ZNF516: variants seen among roughly 807,000 people sequenced by gnomAD.
ZNF516 encodes zinc finger protein 516.
A neutral mutation model predicts 79.7 loss-of-function variants in ZNF516; 19 were observed. The observed-to-expected ratio is 0.24, with a 90% CI of 0.17 to 0.35. The LOEUF is 0.35. ZNF516 is among the 10% of genes least tolerant of loss of function. The pLI is 1.00. For missense variants in ZNF516, 1,678 were observed against 1,679.5 expected (o/e 1.00, Z 0.02); for synonymous variants, 877 against 739.5 (o/e 1.19, Z -3.02).
intron 1 of ZNF516, among the ~76,000 whole-genome samples, chr18:76,475,686 T>A (rs916263372): frequency 6.6e-5 from 10 of 152,130 alleles, no homozygotes; most frequent in Non-Finnish European, 1.5e-4. Flanking sequence ...TCTGTGCCAG[T>A]GGGTCCATGC....
chr18:76,414,561 A>G (rs1449366162), intron 3 of ZNF516, among the ~76,000 whole-genome samples: 3 of 152,194 alleles, frequency 2.0e-5, no homozygotes, highest in Admixed American at 1.3e-4. Flanking sequence ...TCTACATACT[A>G]CTGTCGATCA....
chr18:76,402,830 C>T (rs1296276152), intron 3 of ZNF516, among the ~76,000 whole-genome samples: 3 of 152,202 alleles, frequency 2.0e-5, no homozygotes, highest in African/African-American at 7.2e-5. Flanking sequence ...CTGCCGTCTG[C>T]GCTCGCAGGA....
intron 6 of ZNF516, among the ~76,000 whole-genome samples, chr18:76,368,923 C>T (rs749063849): frequency 1.6e-4 from 24 of 152,196 alleles, no homozygotes; most frequent in Non-Finnish European, 2.4e-4. Context: ...AACTGACATG[C>T]ATTCCTGAAG....
At chr18:76,384,749 C>T (rs1388812463) in intron 3 of ZNF516, among the ~76,000 whole-genome samples, 1 of 151,932 alleles carries the variant, frequency 6.6e-6, no homozygotes, top group African/African-American at 2.4e-5. Context: ...TTCCGTGGCT[C>T]CCATGCCACA....
At chr18:76,389,529 G>A (rs956974959) in intron 3 of ZNF516, 24 of 152,130 alleles carry the variant, frequency 1.6e-4, no homozygotes, top group African/African-American at 5.6e-4. Context: ...CACGCACATG[G>A]AGGCATGATC....
intron 1 of ZNF516, among the ~76,000 whole-genome samples, chr18:76,494,750 C>A (rs1915410668): frequency 6.6e-6 from 1 of 151,956 alleles, no homozygotes; most frequent in African/African-American, 2.4e-5. Flanking sequence ...CTCTTTGTCT[C>A]CTAATGGATG....
chr18:76,444,665 T>C (rs1911933160), intron 2 of ZNF516, among the ~76,000 whole-genome samples: 1 of 152,110 alleles, frequency 6.6e-6, no homozygotes, highest in Non-Finnish European at 1.5e-5. Context: ...CAGAAAAGAA[T>C]ACTGATAATA....
chr18:76,378,765 G>A, intron 4 of ZNF516, 90 bp downstream of exon 4: 2 of 1,496,814 alleles, frequency 1.3e-6, no homozygotes, highest in African/African-American at 1.4e-5. Flanking sequence ...TCAGGGACAT[G>A]GACAGGCAGG....
intron 3 of ZNF516, among the ~76,000 whole-genome samples, chr18:76,434,852 C>G (rs1014600479): frequency 6.6e-6 from 1 of 152,226 alleles, no homozygotes; most frequent in Non-Finnish European, 1.5e-5. Context: ...TCACAGCCTC[C>G]CCACTGCAAC....
chr18:76,437,805 A>G (rs905352518), intron 3 of ZNF516, among the ~76,000 whole-genome samples: 10 of 152,238 alleles, frequency 6.6e-5, no homozygotes, highest in Non-Finnish European at 5.9e-5. Flanking sequence ...CAGTACAGAT[A>G]TAAACATCTA....
At chr18:76,436,378 G>A (rs572269474) in intron 3 of ZNF516, among the ~76,000 whole-genome samples, 5 of 152,188 alleles carry the variant, frequency 3.3e-5, no homozygotes, top group East Asian at 3.9e-4. Flanking sequence ...CACTTCACTC[G>A]TTTTCTCTCC....
chr18:76,482,376 C>T (rs1175510279), intron 1 of ZNF516, among the ~76,000 whole-genome samples: 1 of 152,174 alleles, frequency 6.6e-6, no homozygotes, highest in African/African-American at 2.4e-5. Context: ...TTGACTTACA[C>T]TTTTTCAACT....
At chr18:76,420,193 G>A (rs566324209) in intron 3 of ZNF516, among the ~76,000 whole-genome samples, 10 of 152,346 alleles carry the variant, frequency 6.6e-5, no homozygotes, top group Admixed American at 6.5e-4. Context: ...AGCTGCTGGA[G>A]ATGGTGTAAA....
At chr18:76,380,832 G>A (rs1338874526) in intron 3 of ZNF516, among the ~76,000 whole-genome samples, 1 of 152,198 alleles carries the variant, frequency 6.6e-6, no homozygotes, top group Admixed American at 6.5e-5. Context: ...AAACCACTGG[G>A]CTACCGACCA....
intron 1 of ZNF516, among the ~76,000 whole-genome samples, chr18:76,486,454 G>C (rs765372343): frequency 6.6e-6 from 1 of 152,084 alleles, no homozygotes; most frequent in Non-Finnish European, 1.5e-5. Flanking sequence ...TGTTAATAGC[G>C]CTGAAAAATT....
intron 3 of ZNF516, among the ~76,000 whole-genome samples, chr18:76,399,235 GATC>G (rs1010985927): frequency 1.5e-4 from 23 of 152,220 alleles, no homozygotes; most frequent in African/African-American, 4.1e-4. Context: ...TGCCTTAAAA[GATC>G]ATCAGGACAA....
rs1026903946 is a variant in ZNF516, at chr18:76,493,251, G to A, written c.-272+1893C>T. The A allele has an allele frequency of 1.5e-5, 14 of 927,550 alleles. No homozygotes were observed. The highest frequency in any genetic ancestry group is 5.5e-4 in the Middle Eastern group (1 of 1,834). 57.5% of individuals were successfully genotyped at this position (927,550 alleles called of 1,614,324 possible). The stretch of plus-strand genomic sequence containing the variant: ...AAATATATTTTGTACTTCCACAAAG[G>A]ATGGAAAGGGAAATTCACGAAGGGA... On this transcript the variant is annotated intron_variant, in intron 1 of 6. Coordinates refer to ENST00000443185, the MANE Select transcript of ZNF516 (RefSeq NM_014643.4). This position sits in a 1 kb window ranked among gnomAD's most constrained non-coding sequence, Gnocchi z 5.2.
At position 76,441,252 on chromosome 18, in the gene ZNF516, A is replaced by T; in HGVS notation, c.1803T>A (p.Pro601=). ...CTGGGTACACTTGCTCACCTGGTGC[A>T]GGTTCAGGGGCGCCCTCCTCACCAC... ...EDSGEEGAPE[P]APGGQPRRCC... The change falls in exon 3 of 7, where the codon CCT becomes CCA. Residue 601 remains proline, a synonymous_variant. Transcript: ENST00000443185. The T allele has an allele frequency of 6.2e-7, 1 of 1,609,406 alleles. No homozygotes were observed. The highest frequency in any genetic ancestry group is 8.5e-7 in the Non-Finnish European group (1 of 1,178,760).
At chr18:76,486,092 C>G (rs1914817743) in intron 1 of ZNF516, among the ~76,000 whole-genome samples, 1 of 152,038 alleles carries the variant, frequency 6.6e-6, no homozygotes, top group South Asian at 2.1e-4. Context: ...AACAGTCACT[C>G]AGCATTGAAT....
Sources: allele counts gnomAD v4.1 joint callset (sites outside exome capture counted in the v4.1 genomes callset), GRCh38; gene constraint gnomAD v4.1.1; non-coding constraint Gnocchi (gnomAD v3.1); transcripts MANE v1.5; gene names NCBI Gene and HGNC (gene_info 2026-07-23, HGNC 2026-07-21).